CDV3: variants seen among roughly 807,000 people sequenced by gnomAD.
CDV3 encodes the protein protein CDV3 homolog.
A neutral mutation model predicts 24.5 loss-of-function variants in CDV3; 14 were observed. That is an observed-to-expected ratio of 0.57 (90% CI 0.38 to 0.89). The LOEUF (loss-of-function observed/expected upper bound fraction) is 0.89, where lower values mean the gene tolerates loss of function less well. CDV3 is among the 40% of genes least tolerant of loss of function. The probability of loss-of-function intolerance (pLI) is 0.00; values close to 1 mark genes in which losing one functional copy is unlikely to be tolerated. For synonymous variants in CDV3, 114 were observed against 114.1 expected, an observed-to-expected ratio of 1.00 and a Z score of 0.00; for missense variants, 304 against 310.2, an observed-to-expected ratio of 0.98 and a Z score of 0.15.
intron 3 of CDV3, among the ~76,000 whole-genome samples, chr3:133,585,521 G>A (rs1406817034): frequency 6.9e-6 from 1 of 144,660 alleles, no homozygotes; most frequent in Non-Finnish European, 1.5e-5. Flanking sequence ...TTAAGACAAA[G>A]TCTCACTCTC....
chr3:133,587,866 T>C, intron 4 of CDV3, 30 bp from the exon 5 acceptor site: 1 of 1,568,980 alleles, frequency 6.4e-7, no homozygotes, highest in East Asian at 2.2e-5. Context: ...GAAGAAGAAA[T>C]ATTTACTGAT....
chr3:133,574,627 C>T (rs2074732493), intron 1 of CDV3: 2 of 1,017,796 alleles, frequency 2.0e-6, no homozygotes, highest in Non-Finnish European at 1.2e-6. Context: ...GTGTGCTGAC[C>T]TCAGCCCAGT....
intron 2 of CDV3, among the ~76,000 whole-genome samples, chr3:133,579,962 ATACT>A (rs1423262316): frequency 6.6e-6 from 1 of 152,120 alleles, no homozygotes. Flanking sequence ...TTAACCCAAA[ATACT>A]TATTTATTTT....
Position 133,587,865 on chromosome 3 carries a change from A to G in CDV3, c.627-31A>G. The G allele has an allele frequency of 3.2e-6, 5 of 1,567,848 alleles. No homozygotes were observed. In the South Asian group the frequency reaches 4.8e-5, roughly 15 times the overall value. ...TTTCAAAAACCCTAGTGAAGAAGAA[A>G]TATTTACTGATTACATTTCTTTTCC... On this transcript the variant is annotated intron_variant, in intron 4 of 4. Coordinates refer to ENST00000264993, the MANE Select transcript of CDV3 (RefSeq NM_017548.5).
Position 133,588,463 on chromosome 3 carries a change from G to T in CDV3, c.*417G>T. ...GATTACAACTATTAAGTGTCGATGTGAACCTTGCAACCAGCTCTACTGGAT... is the reference window on the plus strand; with the variant it reads ...GATTACAACTATTAAGTGTCGATGTTAACCTTGCAACCAGCTCTACTGGAT... On this transcript the variant is annotated 3_prime_UTR_variant, in exon 5 of 5. Transcript: ENST00000264993. 1 of 1,221,582 alleles carries T rather than the reference G, an allele frequency of 8.2e-7. No individual in the cohort carries two copies. The highest frequency in any genetic ancestry group is 1.3e-5 in the South Asian group (1 of 76,194). 75.7% of individuals were successfully genotyped at this position (1,221,582 alleles called of 1,614,324 possible). A position where few individuals can be genotyped will look rare whatever the true frequency, so the allele number is the denominator to read the frequency against.
chr3:133,586,949 A>G (rs994945985), intron 4 of CDV3, among the ~76,000 whole-genome samples: 1 of 152,196 alleles, frequency 6.6e-6, no homozygotes, highest in Non-Finnish European at 1.5e-5. Flanking sequence ...TCTGTCTGCA[A>G]AAGTTTATCT....
rs375184712 is a variant in CDV3 at position 133,588,661 on chromosome 3, G to T, written c.*615G>T. The stretch of plus-strand genomic sequence containing the variant: ...CTGGAACACACTGCTGAAAAGAACT[G>T]ATGTGTTCAGATCATCTGTGTAGGG... On this transcript the variant is annotated 3_prime_UTR_variant, in exon 5 of 5. Transcript: ENST00000264993. The T allele has an allele frequency of 4.7e-5, 22 of 472,734 alleles. No individual in the cohort carries two copies. Among genetic ancestry groups the T allele is most frequent in the East Asian group, 2.4e-4 (7 of 28,634 alleles). 29.3% of individuals were successfully genotyped at this position (472,734 alleles called of 1,614,324 possible). A position where few individuals can be genotyped will look rare whatever the true frequency, so the allele number is the denominator to read the frequency against.
intron 2 of CDV3, among the ~76,000 whole-genome samples, chr3:133,578,549 A>G (rs1398140779): frequency 6.6e-6 from 1 of 152,230 alleles, no homozygotes; most frequent in Non-Finnish European, 1.5e-5. Flanking sequence ...AATAGACAAC[A>G]GTAGATAATT....
intron 2 of CDV3, among the ~76,000 whole-genome samples, chr3:133,575,560 C>T (rs915490926): frequency 2.0e-5 from 3 of 152,200 alleles, no homozygotes; most frequent in Admixed American, 2.0e-4. Flanking sequence ...TCACACAGTG[C>T]AACCAACCTG....
chr3:133,575,007 C>T (rs1011721475), intron 1 of CDV3, 32 bp from the exon 2 acceptor site: 3 of 1,359,382 alleles, frequency 2.2e-6, no homozygotes, highest in African/African-American at 1.4e-5. Flanking sequence ...CTACAAATAG[C>T]TTTAATTGAT....
chr3:133,578,882 A>G (rs1247188986), intron 2 of CDV3, among the ~76,000 whole-genome samples: 1 of 152,226 alleles, frequency 6.6e-6, no homozygotes, highest in Admixed American at 6.5e-5. Flanking sequence ...AGGCTGTTCT[A>G]TTCTTTATAA....
chr3:133,585,940 G>T (rs2107737729), intron 3 of CDV3, among the ~76,000 whole-genome samples: 1 of 152,306 alleles, frequency 6.6e-6, no homozygotes, highest in South Asian at 2.1e-4. Flanking sequence ...TATTCTGAGA[G>T]GCAGTCCCTG....
chr3:133,576,480 C>A (rs1248557585), intron 2 of CDV3, among the ~76,000 whole-genome samples: 1 of 152,192 alleles, frequency 6.6e-6, no homozygotes, highest in Non-Finnish European at 1.5e-5. Context: ...TAAGTCTTTT[C>A]TTTCCTAAGT....
intron 2 of CDV3, among the ~76,000 whole-genome samples, chr3:133,579,471 G>A (rs1020408625): frequency 6.6e-6 from 1 of 152,132 alleles, no homozygotes; most frequent in Non-Finnish European, 1.5e-5. Context: ...AATATGTAAA[G>A]ATGAAAAAGT....
Position 133,587,934 on chromosome 3 carries a change from A to G in CDV3, c.665A>G (p.His222Arg). 1 of 1,613,368 alleles carries G rather than the reference A, an allele frequency of 6.2e-7. No homozygotes were observed. The highest frequency in any genetic ancestry group is 1.1e-5 in the South Asian group (1 of 91,068). The change falls in exon 5 of 5, where the codon CAC becomes CGC. Residue 222 changes from histidine (H) to arginine (R), a missense_variant. His to Arg is a conservative substitution (Grantham distance 29). Transcript: ENST00000264993. The part of the protein sequence containing the change: ...EMEKSFEVVR[H>R]KNRGRDEVSK... ...GAGAAGAGCTTTGAAGTAGTAAGAC[A>G]CAAAAATAGAGGTAGGGATGAGGTT... is the stretch of plus-strand genomic sequence containing the variant.
At chr3:133,581,095 C>T (rs1158032301) in intron 2 of CDV3, among the ~76,000 whole-genome samples, 1 of 151,882 alleles carries the variant, frequency 6.6e-6, no homozygotes, top group Non-Finnish European at 1.5e-5. Flanking sequence ...TAAAAGCTTT[C>T]TGTGAGGCTG....
intron 2 of CDV3, among the ~76,000 whole-genome samples, chr3:133,578,542 A>G (rs571065199): frequency 1.3e-5 from 2 of 152,352 alleles, no homozygotes; most frequent in South Asian, 4.1e-4. Context: ...ATGCTGTAAT[A>G]GACAACAGTA....
chr3:133,574,444 C>G, intron 1 of CDV3, 160 bp downstream of exon 1: 2 of 986,056 alleles, frequency 2.0e-6, no homozygotes, highest in South Asian at 9.4e-5. Context: ...GGGCTGGGCT[C>G]GCCAGGGCCG....
rs765955780 is a variant in CDV3 at position 133,574,123 on chromosome 3, C to G, written c.79C>G (p.Arg27Gly). ...DKKKKKERSN[R>G]AASAAGAAGS... Reference sequence around the variant, plus strand: ...GAAGAAGAAGAAGGAGCGGAGCAACCGGGCGGCGAGTGCCGCGGGCGCAGC... The same window carrying G: ...GAAGAAGAAGAAGGAGCGGAGCAACGGGGCGGCGAGTGCCGCGGGCGCAGC... Residue 27 changes from arginine to glycine, a missense_variant, in exon 1 of 5, where the codon CGG (arginine) becomes GGG (glycine). By Grantham distance (125) the Arg-to-Gly change is moderately radical (BLOSUM62 -2). This residue lies in a region of CDV3 where 219 missense variants were observed against 203.6 expected (regional missense o/e 1.08). Transcript: ENST00000264993. 1 of 1,201,164 alleles carries G rather than the reference C, an allele frequency of 8.3e-7. No individual in the cohort carries two copies. The highest frequency in any genetic ancestry group is 2.8e-5 in the Admixed American group (1 of 35,416). 74.4% of individuals were successfully genotyped at this position (1,201,164 alleles called of 1,614,324 possible).
Sources: allele counts gnomAD v4.1 joint callset (sites outside exome capture counted in the v4.1 genomes callset), GRCh38; gene constraint gnomAD v4.1.1; regional missense constraint gnomAD v4.1.1; transcripts MANE v1.5; gene names NCBI Gene and HGNC (gene_info 2026-07-23, HGNC 2026-07-21).